Variants in TLE1 observed in about 807,000 individuals in gnomAD.
TLE1 encodes TLE family member 1, transcriptional corepressor, also known as transducin-like enhancer protein 1.
TLE1 carries 21 observed loss-of-function variants against 89.8 expected under a neutral mutation model. The observed-to-expected ratio is 0.23, with a 90% CI of 0.17 to 0.34. TLE1 has a LOEUF of 0.34. Among genes scored for constraint, TLE1 ranks in the 10% least tolerant of loss-of-function variants. The probability of loss-of-function intolerance (pLI) is 1.00; values close to 1 mark genes in which losing one functional copy is unlikely to be tolerated. For missense variants in TLE1, 795 were observed against 1,031.2 expected (o/e 0.77, Z 3.14); for synonymous variants, 447 against 407.6 (o/e 1.10, Z -1.16).
chr9:81,632,239 A>G (rs1200253037), intron 8 of TLE1, among the ~76,000 whole-genome samples: 4 of 152,108 alleles, frequency 2.6e-5, no homozygotes, highest in Non-Finnish European at 4.4e-5. Flanking sequence ...TCCCCTCTCA[A>G]CATTTTCCAG....
intron 4 of TLE1, among the ~76,000 whole-genome samples, chr9:81,681,451 G>A (rs1178441277): frequency 6.6e-6 from 1 of 151,968 alleles, no homozygotes; most frequent in Non-Finnish European, 1.5e-5. Context: ...TGAGGAGGCT[G>A]AGGCAGGAGA....
At chr9:81,666,776 A>AAAATAAAT (rs58357123) in intron 4 of TLE1, among the ~76,000 whole-genome samples, 12,237 of 141,754 alleles carry the variant, frequency 0.086, 783 homozygotes, top group African/African-American at 0.18. Flanking sequence ...CTCGTCTCAC[A>AAAATAAAT]AAATAAATAA....
intron 4 of TLE1, among the ~76,000 whole-genome samples, chr9:81,684,765 TAA>T (rs1257645223): frequency 2.0e-5 from 3 of 152,200 alleles, no homozygotes; most frequent in African/African-American, 4.8e-5. Flanking sequence ...AATCGATTTC[TAA>T]AAGACTTATT....
Position 81,684,149 on chromosome 9 carries a change from A to T in TLE1, c.234+1527T>A, listed in dbSNP as rs565265785. 3.9e-3 allele frequency among the ~76,000 whole-genome samples: 489 copies of T among 123,926 alleles called. 5 individuals carry two copies. Among genetic ancestry groups the T allele is most frequent in the African/African-American group, 0.012 (448 of 36,956 alleles). The allele number at this position is 123,926 out of a possible 152,430, so 81.3% of individuals were successfully genotyped here. ...AAAAAAGTGCCCTTCAGAGTAAATTAAAAAAAAAAAAAAAGATTAAACCGC... is the reference window on the plus strand; with the variant it reads ...AAAAAAGTGCCCTTCAGAGTAAATTTAAAAAAAAAAAAAAGATTAAACCGC... On this transcript the variant is annotated intron_variant, in intron 4 of 19. Transcript: ENST00000376499.
intron 6 of TLE1, among the ~76,000 whole-genome samples, chr9:81,642,031 A>C (rs1055529112): frequency 1.4e-5 from 2 of 139,284 alleles, no homozygotes; most frequent in Non-Finnish European, 2.9e-5. Context: ...TCCAAAAAAA[A>C]AGAAAGAAAG....
chr9:81,673,131 G>A (rs1832436102), intron 4 of TLE1, among the ~76,000 whole-genome samples: 2 of 152,008 alleles, frequency 1.3e-5, no homozygotes. Context: ...AAATCAGCTG[G>A]GCATGGTGGT....
intron 4 of TLE1, among the ~76,000 whole-genome samples, chr9:81,661,624 G>A (rs1195610532): frequency 1.3e-5 from 2 of 152,158 alleles, no homozygotes; most frequent in Non-Finnish European, 2.9e-5. Context: ...ACAGTGGAGT[G>A]TTGGTAAGAA....
chr9:81,613,012 C>G (rs1253407401), intron 12 of TLE1, among the ~76,000 whole-genome samples: 1 of 152,190 alleles, frequency 6.6e-6, no homozygotes, highest in Non-Finnish European at 1.5e-5. Flanking sequence ...GAGCTGAGAT[C>G]CCGCCATTGC....
At chr9:81,668,504 A>G (rs1031302360) in intron 4 of TLE1, among the ~76,000 whole-genome samples, 1 of 152,182 alleles carries the variant, frequency 6.6e-6, no homozygotes, top group Non-Finnish European at 1.5e-5. Flanking sequence ...TTTAAATACA[A>G]ATTACTTCTT....
At chr9:81,635,379 T>C (rs988283371) in intron 6 of TLE1, among the ~76,000 whole-genome samples, 2 of 152,196 alleles carry the variant, frequency 1.3e-5, no homozygotes, top group Admixed American at 1.3e-4. Flanking sequence ...ATGACTGCAC[T>C]TTGCCCCCAT....
chr9:81,687,353 G>T lies in TLE1; in HGVS notation c.106C>A (p.Leu36Met). Residue 36 changes from leucine (L) to methionine (M), a missense_variant, in exon 2 of 20, where the codon CTG becomes ATG. Physicochemically the swap from Leu to Met is conservative, Grantham distance 15 (BLOSUM62 2). Around this residue, in one of 4 missense-constraint regions of TLE1, gnomAD observed 47 missense variants for 48.5 expected, o/e 0.97. Transcript: ENST00000376499. ...LDRIKEEFQF[L>M]QAQYHSLKLE... ...ACGCACCTGTGATACTGCGCCTGCA[G>T]GAACTGGAATTCCTCTTTAATCCGG... is the stretch of plus-strand genomic sequence containing the variant. 1.2e-6 allele frequency: 2 copies of T among 1,607,796 alleles called. No homozygotes were observed. The highest frequency in any genetic ancestry group is 1.7e-6 in the Non-Finnish European group (2 of 1,178,436).
intron 14 of TLE1, among the ~76,000 whole-genome samples, chr9:81,603,219 T>C (rs1831177856): frequency 6.6e-6 from 1 of 152,172 alleles, no homozygotes. Context: ...CAGTCCCCCA[T>C]GCTGTGTCAT....
chr9:81,635,931 G>A (rs1263061749), intron 6 of TLE1, among the ~76,000 whole-genome samples: 2 of 152,176 alleles, frequency 1.3e-5, no homozygotes, highest in Non-Finnish European at 2.9e-5. Context: ...GGCCAAGGCA[G>A]GAAGATCACT....
rs1288071541 is a variant in TLE1, at chr9:81,687,315, G to GGC, written c.125+17_125+18dup. The GGC allele has an allele frequency of 6.3e-7, 1 of 1,589,176 alleles. No individual in the cohort carries two copies. The highest frequency in any genetic ancestry group is 8.6e-7 in the Non-Finnish European group (1 of 1,169,102). Reference sequence around the variant, plus strand: ...CCGGGACGCCCGCGACCACTCGCATGGCGCGGCCGGACACGCACCTGTGAT... The same window carrying GGC: ...CCGGGACGCCCGCGACCACTCGCATGGCGCGCGGCCGGACACGCACCTGTGAT... On this transcript the variant is annotated intron_variant, in intron 2 of 19. Transcript: ENST00000376499.
At chr9:81,592,351 C>T (rs1209358717) in intron 15 of TLE1, among the ~76,000 whole-genome samples, 1 of 152,196 alleles carries the variant, frequency 6.6e-6, no homozygotes, top group African/African-American at 2.4e-5. Context: ...GAGCAAGACT[C>T]CGTCTCAAAG....
At chr9:81,675,423 A>G (rs1014514777) in intron 4 of TLE1, among the ~76,000 whole-genome samples, 1 of 152,170 alleles carries the variant, frequency 6.6e-6, no homozygotes, top group Non-Finnish European at 1.5e-5. Context: ...CAATTCATCT[A>G]CACTCTATTG....
At position 81,609,642 on chromosome 9, in the gene TLE1, C is replaced by G. The variant is rs572601744; in HGVS notation, c.1331+578G>C. Among the ~76,000 whole-genome samples, 44 of 152,272 alleles carry G rather than the reference C, an allele frequency of 2.9e-4. No individual in the cohort carries two copies. In the South Asian group the frequency reaches 8.5e-3, roughly 29 times the overall value. On this transcript the variant is annotated intron_variant, in intron 14 of 19. Transcript: ENST00000376499. ...TAACTTTTCCTGCTTCCCCACGAAG[C>G]CACTTTGCTTTTTATAATTCTAGAT...
At chr9:81,589,314 C>G (rs1360080685) in intron 16 of TLE1, among the ~76,000 whole-genome samples, 3 of 152,220 alleles carry the variant, frequency 2.0e-5, no homozygotes, top group Admixed American at 1.3e-4. Flanking sequence ...TCCCTCTGCC[C>G]TCTCTCCGTC....
chr9:81,583,876 C>T lies in TLE1; in HGVS notation c.*322G>A, dbSNP rs1156891172. The T allele has an allele frequency of 2.8e-5, 8 of 288,938 alleles. No homozygotes were observed. Among genetic ancestry groups the T allele is most frequent in the Non-Finnish European group, 4.0e-5 (6 of 150,590 alleles). The allele number at this position is 288,938 out of a possible 1,614,324, so 17.9% of individuals were successfully genotyped here. ...CAAGGAACAGAAAGGTAATCTCACA[C>T]TTGGGCAAGGCGTGATCCCCAGATC... is the stretch of plus-strand genomic sequence containing the variant. On this transcript the variant is annotated 3_prime_UTR_variant, in exon 20 of 20. Coordinates refer to ENST00000376499, the MANE Select transcript of TLE1 (RefSeq NM_005077.5).
Sources: gnomAD v4.1 joint callset for allele counts (sites outside exome capture counted in the v4.1 genomes callset) on GRCh38, gnomAD v4.1.1 for gene constraint, gnomAD v4.1.1 regional missense constraint, MANE v1.5 for transcripts, NCBI Gene and HGNC (gene_info 2026-07-23, HGNC 2026-07-21) for gene names.